Variants in DLGAP2 observed in about 807,000 individuals in gnomAD.
DLGAP2 encodes DLG associated protein 2.
A neutral mutation model predicts 100.3 loss-of-function variants in DLGAP2; 26 were observed. That is an observed-to-expected ratio of 0.26 (90% confidence interval 0.19 to 0.36). The LOEUF (loss-of-function observed/expected upper bound fraction) is 0.36. Among genes scored for constraint, DLGAP2 ranks in the 10% least tolerant of loss-of-function variants. The probability of loss-of-function intolerance (pLI) is 1.00; values close to 1 mark genes in which losing one functional copy is unlikely to be tolerated. For missense variants in DLGAP2, 1,858 were observed against 1,453.2 expected (o/e 1.28, Z -4.53); for synonymous variants, 886 against 630.1 (o/e 1.41, Z -6.08).
At chr8:923,606 G>A (rs754467512) in intron 2 of DLGAP2, among the ~76,000 whole-genome samples, 12 of 152,320 alleles carry the variant, frequency 7.9e-5, no homozygotes, top group Middle Eastern at 6.8e-3. Context: ...AGGGTATGGC[G>A]TAGAATTCCT....
At chr8:1,148,194 T>C (rs1399231275) in intron 2 of DLGAP2, among the ~76,000 whole-genome samples, 3 of 152,174 alleles carry the variant, frequency 2.0e-5, no homozygotes, top group Non-Finnish European at 2.9e-5. Context: ...TTTTATAAGT[T>C]GTGTTTTCCA....
chr8:1,506,989 G>A (rs957387725), intron 4 of DLGAP2, among the ~76,000 whole-genome samples: 5 of 152,224 alleles, frequency 3.3e-5, no homozygotes, highest in Non-Finnish European at 7.3e-5. Flanking sequence ...GTGCTGATTG[G>A]TGCATCTACA....
intron 4 of DLGAP2, among the ~76,000 whole-genome samples, chr8:1,527,517 G>C (rs1800833762): frequency 6.6e-6 from 1 of 152,220 alleles, no homozygotes; most frequent in Non-Finnish European, 1.5e-5. Context: ...ATTGGGATCA[G>C]CACAGATTCA....
Position 1,204,384 on chromosome 8 carries a change from G to A in DLGAP2, c.74-54467G>A, listed in dbSNP as rs74558989. Among the ~76,000 whole-genome samples, 98 of 152,370 alleles carry A rather than the reference G, an allele frequency of 6.4e-4. No individual in the cohort carries two copies. In the East Asian group the frequency reaches 0.017, roughly 27 times the overall value. On this transcript the variant is annotated intron_variant, in intron 2 of 14. Coordinates refer to ENST00000637795, the MANE Select transcript of DLGAP2 (RefSeq NM_001346810.2). Reference sequence around the variant, plus strand: ...TGGGATTTAAAGAAAGATGGATTTTGGAGTGAAGTGATACTCACAGGTGTG... The same window carrying A: ...TGGGATTTAAAGAAAGATGGATTTTAGAGTGAAGTGATACTCACAGGTGTG...
At position 1,075,356 on chromosome 8, in the gene DLGAP2, G is replaced by A. The variant is rs150213079; in HGVS notation, c.73+167390G>A. Among the ~76,000 whole-genome samples the A allele has an allele frequency of 5.4e-4, 82 of 152,262 alleles. No individual in the cohort carries two copies. The East Asian group carries it at 6.2e-3, about 12-fold the overall frequency. ...CGTGCATTGTGGGGTGCTGGAATCC[G>A]CAGGAGGAGAACCGCGGCTGGGTGT... On this transcript the variant is annotated intron_variant, in intron 2 of 14. Transcript: ENST00000637795.
chr8:1,624,055 G>A (rs983884528), intron 6 of DLGAP2, among the ~76,000 whole-genome samples: 5 of 152,184 alleles, frequency 3.3e-5, no homozygotes, highest in South Asian at 2.1e-4. Context: ...TGATCCCTTC[G>A]TTCACGTAGC....
At chr8:1,241,930 A>C (rs974379907) in intron 2 of DLGAP2, among the ~76,000 whole-genome samples, 4 of 152,238 alleles carry the variant, frequency 2.6e-5, no homozygotes, top group East Asian at 1.9e-4. Context: ...TAATATGACA[A>C]GGTACATGAA....
At chr8:916,832 T>G (rs1427859446) in intron 2 of DLGAP2, among the ~76,000 whole-genome samples, 7 of 152,120 alleles carry the variant, frequency 4.6e-5, no homozygotes, top group Non-Finnish European at 1.0e-4. Context: ...CATCTTGGTT[T>G]GGGAATTTGG....
intron 3 of DLGAP2, among the ~76,000 whole-genome samples, chr8:1,277,858 A>T (rs1020661395): frequency 6.6e-6 from 1 of 152,182 alleles, no homozygotes; most frequent in African/African-American, 2.4e-5. Flanking sequence ...CTGCACAAGG[A>T]CAGTTAGGCA....
chr8:1,687,669 T>C (rs541523003), intron 12 of DLGAP2, among the ~76,000 whole-genome samples: 5 of 152,238 alleles, frequency 3.3e-5, no homozygotes, highest in East Asian at 1.9e-4. Flanking sequence ...ATTTTGCCCA[T>C]GTGTTCATGT....
At chr8:862,978 G>T (rs758875696) in intron 1 of DLGAP2, among the ~76,000 whole-genome samples, 3 of 152,202 alleles carry the variant, frequency 2.0e-5, no homozygotes, top group Non-Finnish European at 2.9e-5. Context: ...GAGTCAGTTT[G>T]TGTCTCTCTC....
At chr8:843,992 A>C (rs1012683460) in intron 1 of DLGAP2, among the ~76,000 whole-genome samples, 1 of 152,224 alleles carries the variant, frequency 6.6e-6, no homozygotes, top group Admixed American at 6.5e-5. Context: ...AATGTGTCAG[A>C]TGTAAATTAT....
chr8:989,348 C>T (rs529697462), intron 2 of DLGAP2, among the ~76,000 whole-genome samples: 79 of 152,300 alleles, frequency 5.2e-4, no homozygotes, highest in Non-Finnish European at 7.9e-4. Context: ...GGGCTGTCTT[C>T]GGGTTTTTTA....
chr8:1,543,412 T>C (rs528002313), intron 4 of DLGAP2, among the ~76,000 whole-genome samples: 3 of 152,330 alleles, frequency 2.0e-5, no homozygotes, highest in African/African-American at 4.8e-5. Flanking sequence ...TGTGTAGAAA[T>C]TGGGTTATCC....
At chr8:1,498,118 C>G (rs1799603270) in intron 3 of DLGAP2, among the ~76,000 whole-genome samples, 1 of 152,098 alleles carries the variant, frequency 6.6e-6, no homozygotes, top group Non-Finnish European at 1.5e-5. Context: ...TCCGATTGGC[C>G]ATTGGTTGAA....
chr8:806,637 A>AC (rs1381962551), intron 1 of DLGAP2, among the ~76,000 whole-genome samples: 3 of 151,748 alleles, frequency 2.0e-5, no homozygotes, highest in South Asian at 2.1e-4. Context: ...GTCCCTGCTG[A>AC]CCCCTTCGGG....
chr8:1,342,566 G>A (rs1322093987), intron 3 of DLGAP2, among the ~76,000 whole-genome samples: 1 of 152,202 alleles, frequency 6.6e-6, no homozygotes, highest in Non-Finnish European at 1.5e-5. Flanking sequence ...GGTAGGGTAA[G>A]TTTCGATTCC....
chr8:1,444,255 A>T (rs1554471875), intron 3 of DLGAP2, among the ~76,000 whole-genome samples: 1 of 152,168 alleles, frequency 6.6e-6, no homozygotes, highest in Non-Finnish European at 1.5e-5. Context: ...CCGTCTCAAT[A>T]TCATCGTCTT....
Position 937,388 on chromosome 8 carries a change from C to A in DLGAP2, c.73+29422C>A. 1.3e-5 allele frequency among the ~76,000 whole-genome samples: 2 copies of A among 152,162 alleles called. 1 individual carries two copies. Among genetic ancestry groups the A allele is most frequent in the Non-Finnish European group, 2.9e-5 (2 of 68,036 alleles). ...ATCGGATCTAATTGTCACTGGCTTT[C>A]TCCAAAAAAATTTTTTTAAGAAGCC... On this transcript the variant is annotated intron_variant, in intron 2 of 14. Transcript: ENST00000637795.
Sources: allele counts gnomAD v4.1 joint callset (sites outside exome capture counted in the v4.1 genomes callset), GRCh38; gene constraint gnomAD v4.1.1; transcripts MANE v1.5; gene names NCBI Gene and HGNC (gene_info 2026-07-23, HGNC 2026-07-21).